LTBP2: variants seen among roughly 807,000 people sequenced by gnomAD.
The protein encoded by LTBP2 is latent-transforming growth factor beta-binding protein 2.
In LTBP2, 103 loss-of-function variants were observed where a neutral mutation model predicts 210.6. That is an observed-to-expected ratio of 0.49 (90% CI 0.42 to 0.58). The LOEUF is 0.58. Among genes scored for constraint, LTBP2 ranks in the 20% least tolerant of loss-of-function variants. LTBP2 has a pLI of 0.00. For synonymous variants in LTBP2, 1,007 were observed against 1,015.0 expected, an observed-to-expected ratio of 0.99 and a Z score of 0.15; for missense variants, 2,313 against 2,494.5, an observed-to-expected ratio of 0.93 and a Z score of 1.55.
chr14:74,504,042 C>T lies in LTBP2; in HGVS notation c.4466G>A (p.Cys1489Tyr), dbSNP rs2086951132. The part of the protein sequence containing the change: ...GQTMYTDADE[C>Y]VIFGPGLCPN... Reference sequence around the variant, plus strand: ...GCAGAGACCAGGCCCGAATATCACACACTCATCCGCATCTGTGGAAGGCAG... The same window carrying T: ...GCAGAGACCAGGCCCGAATATCACATACTCATCCGCATCTGTGGAAGGCAG... The change falls in exon 31 of 36, where the codon TGT (cysteine) becomes TAT (tyrosine). Residue 1489 changes from cysteine to tyrosine, a missense_variant. By Grantham distance (194) the Cys-to-Tyr change is radical (BLOSUM62 -2). This residue lies in a region of LTBP2 where 443 missense variants were observed against 501.4 expected (regional missense o/e 0.88). Transcript: ENST00000261978. 2 of 1,613,822 alleles carry T rather than the reference C, an allele frequency of 1.2e-6. No homozygotes were observed. The highest frequency in any genetic ancestry group is 1.7e-5 in the Admixed American group (1 of 59,998).
At chr14:74,580,542 C>G (rs540101903) in intron 3 of LTBP2, among the ~76,000 whole-genome samples, 1 of 152,320 alleles carries the variant, frequency 6.6e-6, no homozygotes, top group East Asian at 1.9e-4. Context: ...AGGCACAGAA[C>G]CTTCTCCCTC....
chr14:74,527,474 A>G (rs748277774), intron 12 of LTBP2, 108 bp from the exon 13 acceptor site: 35 of 1,160,572 alleles, frequency 3.0e-5, no homozygotes, highest in Non-Finnish European at 4.3e-5. Flanking sequence ...CCACATCCCC[A>G]GCAGGGCCAG....
intron 17 of LTBP2, among the ~76,000 whole-genome samples, chr14:74,521,579 C>G (rs529673176): frequency 3.9e-5 from 6 of 152,342 alleles, no homozygotes; most frequent in African/African-American, 1.4e-4. Flanking sequence ...TGACATGAAA[C>G]CAGCTCCTTG....
intron 3 of LTBP2, among the ~76,000 whole-genome samples, chr14:74,580,273 C>T (rs1255557666): frequency 6.6e-6 from 1 of 152,114 alleles, no homozygotes; most frequent in East Asian, 1.9e-4. Flanking sequence ...CTCATGAAGA[C>T]GTGAGTCCTA....
chr14:74,586,106 G>A lies in LTBP2; in HGVS notation c.578C>T (p.Pro193Leu), dbSNP rs1221770546. The A allele has an allele frequency of 1.0e-5, 16 of 1,596,122 alleles. No homozygotes were observed. Among genetic ancestry groups the A allele is most frequent in the Non-Finnish European group, 1.3e-5 (15 of 1,172,054 alleles). ...GCAGGAGCCCCGGTTCTGGCACGGC[G>A]GCTCGCAAACGGCTGAGGACACAGG... ...TNHCIKPVCEPPCQNRGSCSR... is the reference protein window; with the variant it reads ...TNHCIKPVCELPCQNRGSCSR... The change falls in exon 3 of 36, where the codon CCG becomes CTG. Residue 193 changes from proline to leucine, a missense_variant. Coordinates refer to ENST00000261978, the MANE Select transcript of LTBP2 (RefSeq NM_000428.3). The surrounding 1 kb of genome is among the most constrained non-coding windows in gnomAD (Gnocchi z 4.6).
In LTBP2 at chr14:74,528,629, A is replaced by G; in HGVS notation, c.2222T>C (p.Met741Thr). 2 of 1,613,496 alleles carry G rather than the reference A, an allele frequency of 1.2e-6. No homozygotes were observed. The highest frequency in any genetic ancestry group is 1.7e-6 in the Non-Finnish European group (2 of 1,180,008). Residue 741 changes from methionine (M) to threonine (T), a missense_variant, in exon 12 of 36, where the codon ATG becomes ACG. Physicochemically the swap from Met to Thr is moderately conservative, Grantham distance 81 (BLOSUM62 -1). Transcript: ENST00000261978. ...TYASSDIRLS[M>T]RKAEEEELAR... ...CAGTTCCTCCTCCTCGGCTTTCCTC[A>G]TGGACAGGCGGATGTCGGAGCTCGC...
rs2086892070 is a variant in LTBP2 at position 74,499,992 on chromosome 14, A to AG, written c.*891dup. The stretch of plus-strand genomic sequence containing the variant: ...ACATCAAACTGGTTTTCACAAAAGG[A>AG]GATCCCAGAAGAGGTTTGTTTCCTG... On this transcript the variant is annotated 3_prime_UTR_variant, in exon 36 of 36. Transcript: ENST00000261978. 8.6e-6 allele frequency: 2 copies of AG among 231,676 alleles called. No homozygotes were observed. The highest frequency in any genetic ancestry group is 4.4e-5 in the African/African-American group (2 of 45,372). The allele number at this position is 231,676 out of a possible 1,614,324, so 14.4% of individuals were successfully genotyped here.
chr14:74,572,290 T>G (rs2087989634), intron 3 of LTBP2, among the ~76,000 whole-genome samples: 1 of 112,540 alleles, frequency 8.9e-6, no homozygotes. Flanking sequence ...GTGGGGTGTG[T>G]GTGTGTGTGT....
rs551868540 is a variant in LTBP2 at position 74,534,695 on chromosome 14, C to T, written c.1864+1231G>A. On this transcript the variant is annotated intron_variant, in intron 9 of 35. Coordinates refer to ENST00000261978, the MANE Select transcript of LTBP2 (RefSeq NM_000428.3). ...TGTACTCCTAGCACAGTGTATGTAG[C>T]CCATAGTAACCTCCCCTCCAATACT... 5.9e-5 allele frequency among the ~76,000 whole-genome samples: 9 copies of T among 152,266 alleles called. No individual in the cohort carries two copies. The South Asian group carries it at 1.9e-3, about 32-fold the overall frequency.
At chr14:74,507,443 C>T (rs532695495) in intron 25 of LTBP2, 133 bp from the exon 26 acceptor site, 1 of 1,243,850 alleles carries the variant, frequency 8.0e-7, no homozygotes, top group South Asian at 1.2e-5. Context: ...AACCCCAGCA[C>T]ATCAAGGTCA....
intron 17 of LTBP2, among the ~76,000 whole-genome samples, chr14:74,517,370 T>C (rs893629295): frequency 6.6e-6 from 1 of 151,608 alleles, no homozygotes; most frequent in Non-Finnish European, 1.5e-5. Context: ...ATTTATTTAT[T>C]GAGACGGAGT....
At chr14:74,550,150 T>C (rs1301984310) in intron 7 of LTBP2, among the ~76,000 whole-genome samples, 185 bp from the exon 8 acceptor site, 1 of 152,196 alleles carries the variant, frequency 6.6e-6, no homozygotes, top group Non-Finnish European at 1.5e-5. Context: ...AAACCTGCCA[T>C]GCACTCTCCC....
In LTBP2 at chr14:74,572,288, T is replaced by G. The variant is rs949214114; in HGVS notation, c.830+13566A>C. Among the ~76,000 whole-genome samples the G allele has an allele frequency of 1.1e-4, 12 of 112,020 alleles. No individual in the cohort carries two copies. The Admixed American group carries it at 1.1e-3, about 11-fold the overall frequency. The allele number at this position is 112,020 out of a possible 152,430, so 73.5% of individuals were successfully genotyped here. On this transcript the variant is annotated intron_variant, in intron 3 of 35. Transcript: ENST00000261978. Reference sequence around the variant, plus strand: ...TTAGCCCTTCTGCAGAGGTGGGGTGTGTGTGTGTGTGTGTGTGTCTGTGTG... The same window carrying G: ...TTAGCCCTTCTGCAGAGGTGGGGTGGGTGTGTGTGTGTGTGTGTCTGTGTG...
rs758313133 is a variant in LTBP2 at position 74,527,335 on chromosome 14, G to A, written c.2388+12C>T. The A allele has an allele frequency of 6.2e-7, 1 of 1,611,194 alleles. No homozygotes were observed. Among genetic ancestry groups the A allele is most frequent in the Non-Finnish European group, 8.5e-7 (1 of 1,179,116 alleles). ...ATGCTTGCCCGGCCCCCTAGTGGGA[G>A]GACGCACTCACCTGGCCAGCCTGAG... On this transcript the variant is annotated intron_variant, in intron 13 of 35. Transcript: ENST00000261978.
At chr14:74,559,358 G>T (rs2087764828) in intron 3 of LTBP2, among the ~76,000 whole-genome samples, 1 of 152,182 alleles carries the variant, frequency 6.6e-6, no homozygotes, top group Admixed American at 6.5e-5. Context: ...GGGGTTAAAT[G>T]ACAGAAATAA....
chr14:74,517,750 T>C (rs1408631623), intron 17 of LTBP2, among the ~76,000 whole-genome samples: 1 of 152,202 alleles, frequency 6.6e-6, no homozygotes, highest in African/African-American at 2.4e-5. Flanking sequence ...TAGGTAACCA[T>C]GGATCTGTAG....
chr14:74,527,258 T>C (rs559151292), intron 13 of LTBP2, 89 bp downstream of exon 13: 6 of 1,481,414 alleles, frequency 4.1e-6, no homozygotes, highest in South Asian at 3.6e-5. Context: ...TCTCCCTCCC[T>C]CATGAGACAC....
In LTBP2 at chr14:74,506,163, C is replaced by T. The variant is rs146090573; in HGVS notation, c.4062G>A (p.Ala1354=). 154 of 1,614,108 alleles carry T rather than the reference C, an allele frequency of 9.5e-5. No homozygotes were observed. The highest frequency in any genetic ancestry group is 1.0e-4 in the Non-Finnish European group (119 of 1,180,058). ...TCTCACAGAGCGCGGCCCCACATAC[C>T]GCCAGCATAAGCTCACACTCGTTCA... The part of the protein sequence containing the change: ...VDVNECELML[A]VCGAALCENV... The change falls in exon 28 of 36, where the codon GCG becomes GCA. Residue 1354 remains alanine, a synonymous_variant. Transcript: ENST00000261978.
chr14:74,575,105 A>C (rs931104487), intron 3 of LTBP2, among the ~76,000 whole-genome samples: 2 of 152,178 alleles, frequency 1.3e-5, no homozygotes, highest in Middle Eastern at 3.2e-3. Flanking sequence ...CTCTCCTGGG[A>C]CTTCTAGGCT....
Sources: gnomAD v4.1 joint callset for allele counts (sites outside exome capture counted in the v4.1 genomes callset) on GRCh38, gnomAD v4.1.1 for gene constraint, gnomAD v4.1.1 regional missense constraint, Gnocchi (gnomAD v3.1) non-coding constraint, MANE v1.5 for transcripts, NCBI Gene and HGNC (gene_info 2026-07-23, HGNC 2026-07-21) for gene names.